The following STPG2 variants were observed in gnomAD, a reference collection of about 807,000 sequenced individuals.
STPG2 encodes the protein sperm tail PG-rich repeat containing 2, also known as sperm-tail PG-rich repeat-containing protein 2.
A neutral mutation model predicts 54.2 loss-of-function variants in STPG2; 56 were observed. The ratio of observed to expected loss-of-function variants is 1.03; its 90% confidence interval spans 0.83 to 1.29. STPG2 has a LOEUF of 1.29. STPG2 is among the 50% of genes most tolerant of loss of function. The pLI is 0.00. For missense variants in STPG2, 596 were observed against 544.9 expected, an observed-to-expected ratio of 1.09 and a Z score of -0.93; for synonymous variants, 200 against 181.8, an observed-to-expected ratio of 1.10 and a Z score of -0.81.
At chr4:98,088,316 T>C (rs1206900695) in intron 5 of STPG2, among the ~76,000 whole-genome samples, 1 of 152,216 alleles carries the variant, frequency 6.6e-6, no homozygotes, top group Admixed American at 6.5e-5. Flanking sequence ...ATTTCACATA[T>C]ATGCTCTTTT....
intron 10 of STPG2, among the ~76,000 whole-genome samples, chr4:97,708,606 G>A (rs1724022015): frequency 6.6e-6 from 1 of 151,682 alleles, no homozygotes; most frequent in Non-Finnish European, 1.5e-5. Context: ...TATAATAATA[G>A]AAAAATTGAA....
At chr4:98,018,646 T>C in intron 5 of STPG2, among the ~76,000 whole-genome samples, 1 of 151,784 alleles carries the variant, frequency 6.6e-6, no homozygotes, top group South Asian at 2.1e-4. Flanking sequence ...AGTGTAAAAG[T>C]GTTCCTATTT....
intron 4 of STPG2, among the ~76,000 whole-genome samples, chr4:97,493,022 C>G (rs1440592596): frequency 6.7e-6 from 1 of 149,794 alleles, no homozygotes; most frequent in Non-Finnish European, 1.5e-5. Context: ...ATTTCTGATC[C>G]CAGGCCTTAA....
chr4:98,027,330 A>G (rs1736455903), intron 5 of STPG2, among the ~76,000 whole-genome samples: 4 of 152,212 alleles, frequency 2.6e-5, no homozygotes, highest in Admixed American at 2.6e-4. Context: ...TCTAGCCCAC[A>G]AAGATTCATT....
Position 97,840,755 on chromosome 4 carries a change from A to T in STPG2, c.1204+18T>A. ...AGAATTTTTTTCCTCATAGCTTTAT[A>T]AGGACTTCTAGACTTACCTGGCCCA... is the stretch of plus-strand genomic sequence containing the variant. On this transcript the variant is annotated intron_variant, in intron 9 of 10. Transcript: ENST00000295268. 3 of 1,590,432 alleles carry T rather than the reference A, an allele frequency of 1.9e-6. No individual in the cohort carries two copies. Among genetic ancestry groups the T allele is most frequent in the Non-Finnish European group, 2.6e-6 (3 of 1,171,018 alleles).
chr4:97,927,857 A>T (rs1357302738), intron 8 of STPG2, among the ~76,000 whole-genome samples: 2 of 152,180 alleles, frequency 1.3e-5, no homozygotes, highest in East Asian at 3.8e-4. Context: ...TGGAATAAGT[A>T]CTATATAAGC....
At chr4:97,806,189 A>G (rs1245558021) in intron 9 of STPG2, among the ~76,000 whole-genome samples, 1 of 152,244 alleles carries the variant, frequency 6.6e-6, no homozygotes, top group Non-Finnish European at 1.5e-5. Flanking sequence ...TGCAGCCATA[A>G]AAAAGAATGA....
chr4:97,511,398 A>G (rs1265154668), intron 4 of STPG2, among the ~76,000 whole-genome samples: 1 of 152,104 alleles, frequency 6.6e-6, no homozygotes, highest in Non-Finnish European at 1.5e-5. Flanking sequence ...AATAATTTCA[A>G]TAAGAAAGTA....
chr4:97,565,590 G>A (rs1393066384), intron 10 of STPG2, among the ~76,000 whole-genome samples: 1 of 152,096 alleles, frequency 6.6e-6, no homozygotes, highest in Non-Finnish European at 1.5e-5. Flanking sequence ...CTTTGATGAT[G>A]TGATGTACAG....
intron 4 of STPG2, among the ~76,000 whole-genome samples, chr4:97,485,358 C>T (rs114924182): frequency 0.039 from 5,881 of 151,756 alleles, 275 homozygotes; most frequent in African/African-American, 0.11. Context: ...AATTCAACAA[C>T]GTTTCTGGAT....
chr4:98,066,802 T>A (rs891131888), intron 5 of STPG2, among the ~76,000 whole-genome samples: 6 of 152,196 alleles, frequency 3.9e-5, no homozygotes, highest in Non-Finnish European at 8.8e-5. Context: ...CTGTATGTAT[T>A]CAAATTGCCT....
chr4:98,080,129 TA>T (rs1234068669), intron 5 of STPG2, among the ~76,000 whole-genome samples: 2 of 152,014 alleles, frequency 1.3e-5, no homozygotes, highest in East Asian at 3.8e-4. Flanking sequence ...AATCCAAAAG[TA>T]AAAACACAAC....
chr4:97,452,613 C>T (rs974290949), intron 4 of STPG2, among the ~76,000 whole-genome samples: 1 of 152,186 alleles, frequency 6.6e-6, no homozygotes, highest in African/African-American at 2.4e-5. Flanking sequence ...TTATTGTTGA[C>T]AGCAGGAGAC....
intron 3 of STPG2, among the ~76,000 whole-genome samples, chr4:98,121,842 C>T (rs1001555413): frequency 2.6e-5 from 4 of 152,118 alleles, no homozygotes; most frequent in African/African-American, 9.7e-5. Flanking sequence ...CTGCCTCAGC[C>T]TCCCAAGTAG....
chr4:98,116,432 A>G (rs1457299767), intron 3 of STPG2, among the ~76,000 whole-genome samples: 2 of 151,900 alleles, frequency 1.3e-5, no homozygotes, highest in Non-Finnish European at 2.9e-5. Flanking sequence ...CACAAAGATT[A>G]AGTAACTTGG....
chr4:97,960,264 GC>G (rs1006111027), intron 7 of STPG2, among the ~76,000 whole-genome samples: 14 of 152,030 alleles, frequency 9.2e-5, no homozygotes, highest in African/African-American at 3.1e-4. Context: ...AAAGTTGAAA[GC>G]ATTCCCCCTC....
intron 8 of STPG2, among the ~76,000 whole-genome samples, chr4:97,901,981 G>A (rs1218570300): frequency 2.6e-5 from 4 of 151,796 alleles, no homozygotes; most frequent in Non-Finnish European, 5.9e-5. Context: ...GAACAAAATA[G>A]AAAGCCTGGA....
chr4:97,520,075 G>GA (rs1731150863), intron 4 of STPG2, among the ~76,000 whole-genome samples: 1 of 152,014 alleles, frequency 6.6e-6, no homozygotes, highest in East Asian at 1.9e-4. Flanking sequence ...CAAAGTGGGG[G>GA]AAAAACCATA....
intron 4 of STPG2, among the ~76,000 whole-genome samples, chr4:97,526,387 G>C (rs927019035): frequency 6.6e-6 from 1 of 151,968 alleles, no homozygotes; most frequent in Non-Finnish European, 1.5e-5. Context: ...ACCACAGGTT[G>C]TCTCCCAGAT....
Sources: gnomAD v4.1 joint callset for allele counts (sites outside exome capture counted in the v4.1 genomes callset) on GRCh38, gnomAD v4.1.1 for gene constraint, MANE v1.5 for transcripts, NCBI Gene and HGNC (gene_info 2026-07-23, HGNC 2026-07-21) for gene names.